FNBP1: variants seen among roughly 807,000 people sequenced by gnomAD.
FNBP1 encodes the protein formin binding protein 1.
A neutral mutation model predicts 90.6 loss-of-function variants in FNBP1; 26 were observed. The observed-to-expected ratio is 0.29, with a 90% CI of 0.21 to 0.40. The LOEUF (loss-of-function observed/expected upper bound fraction) is 0.40, where lower values mean the gene tolerates loss of function less well. FNBP1 is among the 10% of genes least tolerant of loss of function. The pLI is 1.00. For synonymous variants in FNBP1, 260 were observed against 265.2 expected (o/e 0.98, Z 0.19); for missense variants, 635 against 768.0 (o/e 0.83, Z 2.05).
intron 11 of FNBP1, among the ~76,000 whole-genome samples, chr9:129,915,190 G>A (rs147794070): frequency 6.6e-6 from 1 of 152,012 alleles, no homozygotes; most frequent in Non-Finnish European, 1.5e-5. Flanking sequence ...ATTCCCACAG[G>A]TGGCCTCAAA....
intron 6 of FNBP1, among the ~76,000 whole-genome samples, chr9:129,956,799 A>G (rs372910323): frequency 2.1e-3 from 315 of 152,306 alleles, no homozygotes; most frequent in African/African-American, 7.3e-3. Flanking sequence ...TTGTTCCCAG[A>G]CTGTTCATAG....
intron 4 of FNBP1, among the ~76,000 whole-genome samples, chr9:129,959,541 A>T (rs1469790417): frequency 6.6e-6 from 1 of 152,126 alleles, no homozygotes; most frequent in Non-Finnish European, 1.5e-5. Flanking sequence ...GTGAGCTGAG[A>T]TCGTGCTAAT....
intron 4 of FNBP1, among the ~76,000 whole-genome samples, chr9:129,965,799 G>A (rs57248061): frequency 0.45 from 48,103 of 106,650 alleles, 12,067 homozygotes; most frequent in Non-Finnish European, 0.51. Flanking sequence ...GGAGGGAGGG[G>A]GGAAGGAGGG....
At chr9:129,981,504 A>C (rs1286129088) in intron 2 of FNBP1, among the ~76,000 whole-genome samples, 1 of 152,042 alleles carries the variant, frequency 6.6e-6, no homozygotes, top group Non-Finnish European at 1.5e-5. Flanking sequence ...TATTTCTTCT[A>C]CTTCCCCCAA....
intron 11 of FNBP1, among the ~76,000 whole-genome samples, chr9:129,912,135 C>G (rs1390587238): frequency 6.6e-6 from 1 of 151,968 alleles, no homozygotes; most frequent in Non-Finnish European, 1.5e-5. Flanking sequence ...CCCTCAACCC[C>G]CAGGATCAGC....
chr9:129,898,154 C>A (rs1231209497), intron 15 of FNBP1, among the ~76,000 whole-genome samples: 2 of 152,106 alleles, frequency 1.3e-5, no homozygotes, highest in Admixed American at 6.5e-5. Flanking sequence ...TAACCATCCT[C>A]CATGTCTTCC....
intron 1 of FNBP1, among the ~76,000 whole-genome samples, chr9:130,017,902 A>G (rs1395111127): frequency 1.4e-5 from 2 of 143,258 alleles, no homozygotes; most frequent in Non-Finnish European, 3.0e-5. Context: ...TACCTCCCCA[A>G]TACAACACTC....
In FNBP1 at chr9:129,921,499, T is replaced by G. The variant is rs150628547; in HGVS notation, c.1170+2345A>C. Among the ~76,000 whole-genome samples the G allele has an allele frequency of 1.6e-3, 246 of 152,158 alleles. 2 individuals carry two copies. The highest frequency in any genetic ancestry group is 5.6e-3 in the African/African-American group (232 of 41,546). ...ACCTCCACTTCCCAGGTCCAAGCGATTCTCCTGCCTCAGTTTCCCGAGTAG... is the reference window on the plus strand; with the variant it reads ...ACCTCCACTTCCCAGGTCCAAGCGAGTCTCCTGCCTCAGTTTCCCGAGTAG... On this transcript the variant is annotated intron_variant, in intron 10 of 16. Transcript: ENST00000446176.
At chr9:129,937,515 G>A (rs2043661954) in intron 6 of FNBP1, among the ~76,000 whole-genome samples, 1 of 151,798 alleles carries the variant, frequency 6.6e-6, no homozygotes, top group African/African-American at 2.4e-5. Context: ...GGCGGATCAT[G>A]AGGCCAGGAG....
At chr9:129,997,919 G>C (rs1391882628) in intron 1 of FNBP1, among the ~76,000 whole-genome samples, 1 of 152,012 alleles carries the variant, frequency 6.6e-6, no homozygotes, top group Non-Finnish European at 1.5e-5. Flanking sequence ...GGGCGCGGTG[G>C]CTCACATCCA....
intron 4 of FNBP1, among the ~76,000 whole-genome samples, chr9:129,978,039 G>A (rs1349830620): frequency 1.4e-5 from 2 of 145,592 alleles, no homozygotes; most frequent in Admixed American, 6.9e-5. Flanking sequence ...TTTTCTTTTT[G>A]AGACGGAGTC....
At chr9:130,038,367 A>T (rs1358571619) in intron 1 of FNBP1, among the ~76,000 whole-genome samples, 1 of 150,874 alleles carries the variant, frequency 6.6e-6, no homozygotes, top group African/African-American at 2.4e-5. Context: ...TCAAAAAAAA[A>T]AAAAAAAGAC....
chr9:129,973,649 C>T lies in FNBP1; in HGVS notation c.345+4816G>A, dbSNP rs1318134366. 3.3e-5 allele frequency among the ~76,000 whole-genome samples: 5 copies of T among 151,150 alleles called. No individual in the cohort carries two copies. The East Asian group carries it at 5.8e-4, about 18-fold the overall frequency. ...CCAAGTAGCTGGGACTACAGGCGCC[C>T]GCCACCATGCCCGGCTAATTTTTTT... is the stretch of plus-strand genomic sequence containing the variant. On this transcript the variant is annotated intron_variant, in intron 4 of 16. Coordinates refer to ENST00000446176, the MANE Select transcript of FNBP1 (RefSeq NM_015033.3).
chr9:129,970,951 A>C (rs917086133), intron 4 of FNBP1, among the ~76,000 whole-genome samples: 2 of 152,020 alleles, frequency 1.3e-5, no homozygotes, highest in Non-Finnish European at 2.9e-5. Context: ...CAGTGGTGCA[A>C]TCTTGGCTCA....
intron 1 of FNBP1, among the ~76,000 whole-genome samples, chr9:130,012,527 G>A (rs528856118): frequency 1.3e-5 from 2 of 152,238 alleles, no homozygotes; most frequent in East Asian, 3.9e-4. Context: ...CTTATTCCAG[G>A]TGGATTAAGA....
At chr9:130,018,099 A>G (rs1363671080) in intron 1 of FNBP1, among the ~76,000 whole-genome samples, 1 of 151,414 alleles carries the variant, frequency 6.6e-6, no homozygotes, top group Non-Finnish European at 1.5e-5. Context: ...TATTTTTAGT[A>G]GAGACAGAGT....
At chr9:129,986,776 C>T (rs911621635) in intron 2 of FNBP1, among the ~76,000 whole-genome samples, 4 of 151,212 alleles carry the variant, frequency 2.6e-5, no homozygotes, top group East Asian at 1.9e-4. Context: ...GGTGACAGAG[C>T]GAGATGCCGT....
intron 7 of FNBP1, among the ~76,000 whole-genome samples, 181 bp downstream of exon 7, chr9:129,929,386 G>C (rs1305785965): frequency 6.9e-6 from 1 of 145,744 alleles, no homozygotes; most frequent in Non-Finnish European, 1.5e-5. Context: ...CTCCAGCCTG[G>C]GTGACAAAGC....
At chr9:130,002,195 TAAATA>T (rs752350443) in intron 1 of FNBP1, among the ~76,000 whole-genome samples, 171 of 152,134 alleles carry the variant, frequency 1.1e-3, no homozygotes, top group Middle Eastern at 3.4e-3. Flanking sequence ...TCTAAAAAAA[TAAATA>T]AAATAAAATT....
Sources: allele counts gnomAD v4.1 joint callset (sites outside exome capture counted in the v4.1 genomes callset), GRCh38; gene constraint gnomAD v4.1.1; transcripts MANE v1.5; gene names NCBI Gene and HGNC (gene_info 2026-07-23, HGNC 2026-07-21).